ATP2B3: variants seen among roughly 807,000 people sequenced by gnomAD.
ATP2B3 encodes the protein ATPase plasma membrane Ca2+ transporting 3, also known as plasma membrane calcium-transporting ATPase 3.
ATP2B3 carries 12 observed loss-of-function variants against 70.8 expected under a neutral mutation model. That is an observed-to-expected ratio of 0.17 (90% CI 0.11 to 0.27). ATP2B3 has a LOEUF of 0.27. ATP2B3 is among the 10% of genes least tolerant of loss of function. The probability of loss-of-function intolerance (pLI) is 1.00; values close to 1 mark genes in which losing one functional copy is unlikely to be tolerated. For synonymous variants in ATP2B3, 460 were observed against 497.8 expected (o/e 0.92, Z 1.01); for missense variants, 858 against 1,118.5 (o/e 0.77, Z 3.32).
At position 153,559,429 on chromosome X, in the gene ATP2B3, C is replaced by T. The variant is rs1372524909; in HGVS notation, c.2626-300C>T. On this transcript the variant is annotated intron_variant, in intron 17 of 21. Coordinates refer to ENST00000263519, the MANE Select transcript of ATP2B3 (RefSeq NM_001001344.3). The stretch of plus-strand genomic sequence containing the variant: ...GGAGACAAGGAGAGCAGCCCTCACT[C>T]TGTTGCCCCAAATGGCAGACCCCAT... The T allele has an allele frequency of 9.0e-6, 3 of 334,105 alleles. No individual in the cohort carries two copies. The East Asian group carries it at 1.5e-4, about 17-fold the overall frequency. 27.5% of individuals were successfully genotyped at this position (334,105 alleles called of 1,213,427 possible).
In ATP2B3 at chrX:153,559,952, C is replaced by T; in HGVS notation, c.2839+10C>T. 1 of 1,202,733 alleles carries T rather than the reference C, an allele frequency of 8.3e-7. No homozygotes were observed. The highest frequency in any genetic ancestry group is 1.1e-6 in the Non-Finnish European group (1 of 888,850). ...ACCCTGCTGTTTGTCGGTAGGCTGG[C>T]CAGGGGCACCCGGGAGGACTTCAGG... On this transcript the variant is annotated intron_variant, in intron 18 of 21. Transcript: ENST00000263519.
In ATP2B3 at chrX:153,543,694, G is replaced by A. The variant is rs1191451441; in HGVS notation, c.916+526G>A. On this transcript the variant is annotated intron_variant, in intron 7 of 21. Transcript: ENST00000263519. Reference sequence around the variant, plus strand: ...CATTCCTCGTCCTGTGGCTGGAGCTGCCACCATCAGGCCCTGCAGCGGGCG... The same window carrying A: ...CATTCCTCGTCCTGTGGCTGGAGCTACCACCATCAGGCCCTGCAGCGGGCG... 2.7e-5 allele frequency among the ~76,000 whole-genome samples: 3 copies of A among 113,165 alleles called. No homozygotes were observed. The Admixed American group carries it at 2.8e-4, about 10-fold the overall frequency.
In ATP2B3 at chrX:153,581,122, A is replaced by G. The variant is rs1289403035; in HGVS notation, c.*824A>G. ...TTTCAGGGAACTAGACTGCAAGAAT[A>G]TCTTTCTGGTCAACCCATTTTTGTC... is the stretch of plus-strand genomic sequence containing the variant. On this transcript the variant is annotated 3_prime_UTR_variant, in exon 22 of 22. Transcript: ENST00000263519. The G allele has an allele frequency of 2.8e-5, 3 of 107,199 alleles. No homozygotes were observed. Among genetic ancestry groups the G allele is most frequent in the Non-Finnish European group, 5.8e-5 (3 of 51,927 alleles). The allele number at this position is 107,199 out of a possible 1,213,427, so 8.8% of individuals were successfully genotyped here.
intron 19 of ATP2B3, 99 bp downstream of exon 19, chrX:153,560,986 C>A: frequency 1.0e-6 from 1 of 997,520 alleles, no homozygotes; most frequent in Non-Finnish European, 1.4e-6. Context: ...GGCCTCCCCA[C>A]CTCCACTCCC....
In ATP2B3 at chrX:153,580,291, C is replaced by T; in HGVS notation, c.3656C>T (p.Ser1219Phe). 8.3e-7 allele frequency: 1 copy of T among 1,204,943 alleles called. No homozygotes were observed. Among genetic ancestry groups the T allele is most frequent in the Non-Finnish European group, 1.1e-6 (1 of 890,269 alleles). The stretch of plus-strand genomic sequence containing the variant: ...AGCCCGCTCCACAGCGTGGAGACGT[C>T]CCTCTAACAAGAACTTGTCTCAGCA... ...PGSPLHSVET[S>F]L Residue 1219 changes from serine (S) to phenylalanine (F), a missense_variant, in exon 22 of 22, where the codon TCC becomes TTC. By Grantham distance (155) the Ser-to-Phe change is radical. Around this residue, in one of 5 missense-constraint regions of ATP2B3, gnomAD observed 265 missense variants for 305.3 expected, o/e 0.87. Transcript: ENST00000263519.
chrX:153,559,571 T>G (rs1193169087), intron 17 of ATP2B3, 158 bp from the exon 18 acceptor site: 1 of 466,741 alleles, frequency 2.1e-6, no homozygotes, highest in African/African-American at 2.4e-5. Context: ...AACGCCCCAC[T>G]AGCGTAAAGG....
chrX:153,571,686 G>C, intron 21 of ATP2B3, among the ~76,000 whole-genome samples: 1 of 112,531 alleles, frequency 8.9e-6, no homozygotes, highest in Non-Finnish European at 1.9e-5. Flanking sequence ...GAGCCTGGCA[G>C]TGCGGGGTAA....
chrX:153,525,348 G>T (rs782181802), intron 2 of ATP2B3, among the ~76,000 whole-genome samples: 2 of 112,358 alleles, frequency 1.8e-5, no homozygotes, highest in African/African-American at 6.5e-5. Flanking sequence ...CCAGGGGTGT[G>T]ATGGTGGCAC....
At chrX:153,556,719 C>T (rs2090543007) in intron 15 of ATP2B3, among the ~76,000 whole-genome samples, 198 bp from the exon 16 acceptor site, 1 of 112,449 alleles carries the variant, frequency 8.9e-6, no homozygotes, top group African/African-American at 3.3e-5. Flanking sequence ...GGCCCTGTCA[C>T]TCAGTGAGAT....
At chrX:153,544,901 C>T (rs1490143026) in intron 7 of ATP2B3, among the ~76,000 whole-genome samples, 3 of 112,800 alleles carry the variant, frequency 2.7e-5, no homozygotes, top group Admixed American at 1.9e-4. Flanking sequence ...AGGCTGGGTC[C>T]AGAGTCCATG....
At chrX:153,558,618 G>C (rs781876794) in intron 17 of ATP2B3, among the ~76,000 whole-genome samples, 2 of 111,775 alleles carry the variant, frequency 1.8e-5, no homozygotes, top group South Asian at 7.5e-4. Flanking sequence ...CCACTCACAG[G>C]CTTCCTGGGT....
At chrX:153,548,054 T>G in intron 9 of ATP2B3, 55 bp downstream of exon 9, 3 of 1,150,494 alleles carry the variant, frequency 2.6e-6, no homozygotes, top group South Asian at 4.2e-5. Flanking sequence ...TGGAGGATGC[T>G]GGGCTCCTGG....
intron 2 of ATP2B3, among the ~76,000 whole-genome samples, chrX:153,528,727 A>G (rs1353907471): frequency 4.4e-5 from 5 of 112,391 alleles, no homozygotes; most frequent in African/African-American, 6.5e-5. Flanking sequence ...TGTGTCATAC[A>G]TGGACTCCAT....
intron 2 of ATP2B3, among the ~76,000 whole-genome samples, chrX:153,520,417 C>T (rs1181424799): frequency 2.7e-5 from 3 of 112,595 alleles, no homozygotes; most frequent in Admixed American, 9.3e-5. Flanking sequence ...AGCAAGTCAT[C>T]AGCACATATG....
At chrX:153,526,426 T>G (rs2090034292) in intron 2 of ATP2B3, among the ~76,000 whole-genome samples, 1 of 111,570 alleles carries the variant, frequency 9.0e-6, no homozygotes, top group Admixed American at 9.4e-5. Flanking sequence ...TGCACTCCCT[T>G]CAGGCACTCC....
intron 21 of ATP2B3, among the ~76,000 whole-genome samples, chrX:153,570,813 T>C (rs2090775255): frequency 9.0e-6 from 1 of 110,838 alleles, no homozygotes. Flanking sequence ...TAACCACGCC[T>C]TTTTCCATCA....
chrX:153,558,429 C>A, intron 17 of ATP2B3, 126 bp downstream of exon 17: 2 of 717,589 alleles, frequency 2.8e-6, no homozygotes, highest in South Asian at 3.5e-5. Context: ...AATTCATATG[C>A]CAAAAATTCA....
rs1344815060 is a variant in ATP2B3, at chrX:153,546,277, C to T, written c.958+148C>T. 11 of 716,850 alleles carry T rather than the reference C, an allele frequency of 1.5e-5. No individual in the cohort carries two copies. The South Asian group carries it at 2.8e-4, about 18-fold the overall frequency. 59.1% of individuals were successfully genotyped at this position (716,850 alleles called of 1,213,427 possible). ...GAGTGGGCTGGCTGCACAGTCCCGT[C>T]CCAGTGCAGAGGGAGGAGAGAGCAC... On this transcript the variant is annotated intron_variant, in intron 8 of 21. Coordinates refer to ENST00000263519, the MANE Select transcript of ATP2B3 (RefSeq NM_001001344.3).
chrX:153,554,706 G>A (rs1382710932), intron 13 of ATP2B3, among the ~76,000 whole-genome samples: 7 of 112,986 alleles, frequency 6.2e-5, no homozygotes, highest in Non-Finnish European at 9.4e-5. Flanking sequence ...TGGGCCCTGG[G>A]GAGCCATAGG....
Sources: gnomAD v4.1 joint callset for allele counts (sites outside exome capture counted in the v4.1 genomes callset) on GRCh38, gnomAD v4.1.1 for gene constraint, gnomAD v4.1.1 regional missense constraint, MANE v1.5 for transcripts, NCBI Gene and HGNC (gene_info 2026-07-23, HGNC 2026-07-21) for gene names.